The following CYP4Z1 variants were observed in gnomAD, a reference collection of about 807,000 sequenced individuals.
CYP4Z1 encodes the protein cytochrome P450 family 4 subfamily Z member 1.
A neutral mutation model predicts 54.2 loss-of-function variants in CYP4Z1; 41 were observed. That is an observed-to-expected ratio of 0.76 (90% CI 0.59 to 0.98). CYP4Z1 has a LOEUF of 0.98. Ranked by LOEUF, CYP4Z1 falls within the 50% of genes least tolerant of loss-of-function variation. The probability of loss-of-function intolerance (pLI) is 0.00; values close to 1 mark genes in which losing one functional copy is unlikely to be tolerated. For missense variants in CYP4Z1, 513 were observed against 599.0 expected, an observed-to-expected ratio of 0.86 and a Z score of 1.50; for synonymous variants, 163 against 206.2, an observed-to-expected ratio of 0.79 and a Z score of 1.79.
chr1:47,055,893 G>T, the CYP4Z1 span, among the ~76,000 whole-genome samples: 1 of 150,722 alleles, frequency 6.6e-6, no homozygotes, highest in East Asian at 1.9e-4. Context: ...TTGATTTTTT[G>T]AAGGGTTTTT....
intron 8 of CYP4Z1, among the ~76,000 whole-genome samples, chr1:47,101,783 A>C (rs571971312): frequency 6.6e-6 from 1 of 152,288 alleles, no homozygotes; most frequent in Admixed American, 6.5e-5. Flanking sequence ...CGTGCAATTT[A>C]AATCCAATGT....
chr1:47,064,484 G>A (rs1053855698), upstream of CYP4Z1, among the ~76,000 whole-genome samples: 2 of 152,076 alleles, frequency 1.3e-5, no homozygotes, highest in African/African-American at 2.4e-5. Context: ...GTCTTTTCCA[G>A]ACAAACAAAT....
intron 9 of CYP4Z1, among the ~76,000 whole-genome samples, chr1:47,106,958 A>C (rs746177643): frequency 3.9e-5 from 6 of 152,316 alleles, no homozygotes; most frequent in Middle Eastern, 3.4e-3. Context: ...TGTTTCTACA[A>C]CTTCCTCCAA....
At chr1:47,113,430 T>C (rs2148542725) in intron 9 of CYP4Z1, among the ~76,000 whole-genome samples, 1 of 152,310 alleles carries the variant, frequency 6.6e-6, no homozygotes, top group East Asian at 1.9e-4. Context: ...GTGTTGCAAT[T>C]GCCTGTCTCT....
chr1:47,105,632 C>T (rs1399825696), intron 8 of CYP4Z1, among the ~76,000 whole-genome samples: 1 of 152,158 alleles, frequency 6.6e-6, no homozygotes, highest in African/African-American at 2.4e-5. Context: ...TGAATTCCAG[C>T]GTTCTCCCTT....
intron 4 of CYP4Z1, among the ~76,000 whole-genome samples, chr1:47,082,762 G>T (rs1393492859): frequency 6.6e-6 from 1 of 151,566 alleles, no homozygotes; most frequent in Admixed American, 6.6e-5. Context: ...GACACCCATA[G>T]GAGTAGCCAT....
chr1:47,118,006 A>G lies in CYP4Z1; in HGVS notation c.*72A>G. ...AAGGAAGAACAAAAGGATAAATATA[A>G]TACAAAATATATGTATATGGTTGTT... On this transcript the variant is annotated 3_prime_UTR_variant, in exon 12 of 12. Coordinates refer to ENST00000334194, the MANE Select transcript of CYP4Z1 (RefSeq NM_178134.3). 1 of 1,425,740 alleles carries G rather than the reference A, an allele frequency of 7.0e-7. No homozygotes were observed. Among genetic ancestry groups the G allele is most frequent in the Admixed American group, 2.0e-5 (1 of 49,384 alleles). 88.3% of individuals were successfully genotyped at this position (1,425,740 alleles called of 1,614,324 possible).
At chr1:47,100,236 T>G (rs1644711868) in intron 8 of CYP4Z1, among the ~76,000 whole-genome samples, 1 of 152,228 alleles carries the variant, frequency 6.6e-6, no homozygotes, top group South Asian at 2.1e-4. Flanking sequence ...GTATAAATCA[T>G]GAATCCTATA....
At chr1:47,091,661 G>A (rs2148533455) in intron 6 of CYP4Z1, among the ~76,000 whole-genome samples, 1 of 149,790 alleles carries the variant, frequency 6.7e-6, no homozygotes, top group Non-Finnish European at 1.5e-5. Flanking sequence ...TTTACTGGCT[G>A]TTTGTTAACT....
At position 47,094,396 on chromosome 1, in the gene CYP4Z1, G is replaced by C. The variant is rs142262736; in HGVS notation, c.773-170G>C. ...TTGTGGCTAAAAGGTGGGATGGGAC[G>C]ATTTTTTTAAAAAGACAGCTAGTGG... On this transcript the variant is annotated intron_variant, in intron 6 of 11. Coordinates refer to ENST00000334194, the MANE Select transcript of CYP4Z1 (RefSeq NM_178134.3). Among the ~76,000 whole-genome samples, 741 of 152,198 alleles carry C rather than the reference G, an allele frequency of 4.9e-3. 7 individuals carry two copies. The highest frequency in any genetic ancestry group is 0.017 in the African/African-American group (695 of 41,502).
At chr1:47,055,775 TC>T in the CYP4Z1 span, among the ~76,000 whole-genome samples, 1 of 152,184 alleles carries the variant, frequency 6.6e-6, no homozygotes, top group Admixed American at 6.5e-5. Context: ...ATCCCCTTTA[TC>T]ATTTTTTATT....
At chr1:47,079,059 C>G (rs1366083001) in intron 2 of CYP4Z1, among the ~76,000 whole-genome samples, 1 of 152,078 alleles carries the variant, frequency 6.6e-6, no homozygotes, top group African/African-American at 2.4e-5. Context: ...CTTCCCTGCC[C>G]TGAGAGAATT....
At chr1:47,103,877 T>C (rs1569746883) in intron 8 of CYP4Z1, among the ~76,000 whole-genome samples, 1 of 146,498 alleles carries the variant, frequency 6.8e-6, no homozygotes, top group East Asian at 2.3e-4. Context: ...ATTACAGACA[T>C]GAGGCACCAC....
At chr1:47,078,670 A>G (rs1383333894) in intron 2 of CYP4Z1, among the ~76,000 whole-genome samples, 1 of 131,738 alleles carries the variant, frequency 7.6e-6, no homozygotes, top group Non-Finnish European at 1.6e-5. Flanking sequence ...GGAATAAAAG[A>G]AAAAAAGGTA....
At chr1:47,112,346 C>T (rs1194021102) in intron 9 of CYP4Z1, among the ~76,000 whole-genome samples, 1 of 152,124 alleles carries the variant, frequency 6.6e-6, no homozygotes, top group Non-Finnish European at 1.5e-5. Flanking sequence ...CCAATTTTCA[C>T]AGGACTAGAG....
At chr1:47,065,474 T>C (rs1644444516), upstream of CYP4Z1, among the ~76,000 whole-genome samples, 1 of 152,152 alleles carries the variant, frequency 6.6e-6, no homozygotes. Context: ...TTAAAAATTC[T>C]TTAAACTGAA....
At chr1:47,080,562 T>C in intron 2 of CYP4Z1, 61 bp from the exon 3 acceptor site, 1 of 14,008 alleles carries the variant, frequency 7.1e-5, no homozygotes, top group South Asian at 1.1e-3. Flanking sequence ...AAATTTCCTC[T>C]CATTTTAACT....
chr1:47,116,404 C>G (rs1644830445), intron 10 of CYP4Z1, among the ~76,000 whole-genome samples: 1 of 152,188 alleles, frequency 6.6e-6, no homozygotes, highest in African/African-American at 2.4e-5. Context: ...GCTGCTGCTT[C>G]TTACTATCGG....
rs960202684 is a variant in CYP4Z1 at position 47,102,160 on chromosome 1, T to G, written c.1067+2876T>G. On this transcript the variant is annotated intron_variant, in intron 8 of 11. Coordinates refer to ENST00000334194, the MANE Select transcript of CYP4Z1 (RefSeq NM_178134.3). The stretch of plus-strand genomic sequence containing the variant: ...TGTGTCTTTACAGGTGAGATGAGCT[T>G]CTTGTATACAGCATATAGTTGGGTC... Among the ~76,000 whole-genome samples the G allele has an allele frequency of 3.9e-5, 6 of 152,230 alleles. No homozygotes were observed. The South Asian group carries it at 8.3e-4, about 21-fold the overall frequency.
Sources: gnomAD v4.1 joint callset for allele counts (sites outside exome capture counted in the v4.1 genomes callset) on GRCh38, gnomAD v4.1.1 for gene constraint, MANE v1.5 for transcripts, NCBI Gene and HGNC (gene_info 2026-07-23, HGNC 2026-07-21) for gene names.